Variants in APEH observed in about 807,000 individuals in gnomAD.
APEH encodes the protein acylamino-acid-releasing enzyme.
A neutral mutation model predicts 102.7 loss-of-function variants in APEH; 75 were observed. That is an observed-to-expected ratio of 0.73 (90% CI 0.61 to 0.89). The LOEUF (loss-of-function observed/expected upper bound fraction) is 0.89. APEH is among the 40% of genes least tolerant of loss of function. APEH has a pLI of 0.00. For missense variants in APEH, 863 were observed against 941.2 expected (o/e 0.92, Z 1.09); for synonymous variants, 344 against 362.7 (o/e 0.95, Z 0.59).
intron 11 of APEH, 130 bp from the exon 12 acceptor site, chr3:49,678,722 A>C: frequency 1.3e-6 from 1 of 770,774 alleles, no homozygotes; most frequent in Non-Finnish European, 2.2e-6. Flanking sequence ...CATGTGTGCT[A>C]CAAGCTGCAG....
At chr3:49,675,501 C>A in intron 3 of APEH, 192 bp downstream of exon 3, 1 of 990,144 alleles carries the variant, frequency 1.0e-6, no homozygotes, top group Non-Finnish European at 1.5e-6. Context: ...TGGACTAGAG[C>A]CCATGGTGGC....
chr3:49,682,205 A>T (rs887174074), intron 17 of APEH, 143 bp from the exon 18 acceptor site: 15 of 962,840 alleles, frequency 1.6e-5, no homozygotes, highest in Non-Finnish European at 2.3e-5. Flanking sequence ...GGCAGCCTCA[A>T]ATCTCTGAGT....
At position 49,678,939 on chromosome 3, in the gene APEH, G is replaced by A. The variant is rs761169073; in HGVS notation, c.1148G>A (p.Arg383His). The A allele has an allele frequency of 9.3e-6, 15 of 1,613,216 alleles. No individual in the cohort carries two copies. Among genetic ancestry groups the A allele is most frequent in the African/African-American group, 2.7e-5 (2 of 74,906 alleles). The change falls in exon 12 of 22, where the codon CGC becomes CAC. Residue 383 changes from arginine (R) to histidine (H), a missense_variant. Coordinates refer to ENST00000296456, the MANE Select transcript of APEH (RefSeq NM_001640.4). The part of the protein sequence containing the change: ...SQRVVFDSAQ[R>H]SRQDLFAVDT... ...AGAGTGGTCTTTGACTCGGCTCAGCGCAGCCGGCAGGTGAGGGACGCTGAT... is the reference window on the plus strand; with the variant it reads ...AGAGTGGTCTTTGACTCGGCTCAGCACAGCCGGCAGGTGAGGGACGCTGAT...
rs543901559 is a variant in APEH, at chr3:49,674,371, C to G, written c.-31C>G. The G allele has an allele frequency of 3.9e-6, 6 of 1,556,644 alleles. No homozygotes were observed. ...GCCTCACTTCCGGGCGCGAGCACGC[C>G]CCGCCTCGCCCCGGCGGCAGAGAGG... On this transcript the variant is annotated 5_prime_UTR_variant, in exon 1 of 22. Transcript: ENST00000296456.
Position 49,683,220 on chromosome 3 carries a change from C to T in APEH, c.2094-17C>T. On this transcript the variant is annotated splice_polypyrimidine_tract_variant and intron_variant, in intron 21 of 21. Transcript: ENST00000296456. Reference sequence around the variant, plus strand: ...GAGGACCCTCCAACCTTAAATGTTGCTGACTAATCCCTACAGGCTCCTGCT... The same window carrying T: ...GAGGACCCTCCAACCTTAAATGTTGTTGACTAATCCCTACAGGCTCCTGCT... The T allele has an allele frequency of 7.4e-6, 12 of 1,611,524 alleles. No homozygotes were observed. The highest frequency in any genetic ancestry group is 1.0e-5 in the Non-Finnish European group (12 of 1,177,644).
At position 49,678,837 on chromosome 3, in the gene APEH, CTCCT is replaced by C. The variant is rs1184651980; in HGVS notation, c.1061-14_1061-11del. On this transcript the variant is annotated splice_polypyrimidine_tract_variant and intron_variant, in intron 11 of 21. Coordinates refer to ENST00000296456, the MANE Select transcript of APEH (RefSeq NM_001640.4). ...TCCACTCCTGGATGCAGCCTCAGCC[CTCCT>C]ATCTTTACAGAGAACTTCTCTGGGA... The C allele has an allele frequency of 6.2e-7, 1 of 1,603,566 alleles. No individual in the cohort carries two copies. Among genetic ancestry groups the C allele is most frequent in the Non-Finnish European group, 8.5e-7 (1 of 1,170,740 alleles).
In APEH at chr3:49,678,917, G is replaced by C. The variant is rs572505246; in HGVS notation, c.1126G>C (p.Val376Leu). Residue 376 changes from valine to leucine, a missense_variant, in exon 12 of 22, where the codon GTG becomes CTG. Val to Leu is a conservative substitution (Grantham distance 32). Coordinates refer to ENST00000296456, the MANE Select transcript of APEH (RefSeq NM_001640.4). The part of the protein sequence containing the change: ...LGCWSADSQR[V>L]VFDSAQRSRQ... ...ATGCTGGTCAGCTGACAGCCAGAGA[G>C]TGGTCTTTGACTCGGCTCAGCGCAG... is the stretch of plus-strand genomic sequence containing the variant. 1 of 1,613,906 alleles carries C rather than the reference G, an allele frequency of 6.2e-7. No individual in the cohort carries two copies. The highest frequency in any genetic ancestry group is 8.5e-7 in the Non-Finnish European group (1 of 1,179,958).
intron 10 of APEH, among the ~76,000 whole-genome samples, chr3:49,677,248 A>C (rs890469755): frequency 1.3e-5 from 2 of 152,148 alleles, no homozygotes; most frequent in Admixed American, 6.5e-5. Context: ...CCTTGAGAGA[A>C]TGCTCGTCTG....
intron 11 of APEH, 73 bp downstream of exon 11, chr3:49,677,706 C>A: frequency 2.1e-6 from 3 of 1,408,730 alleles, no homozygotes; most frequent in Non-Finnish European, 3.0e-6. Flanking sequence ...TGCATCCCTG[C>A]CCCGTTCTTC....
At chr3:49,680,769 T>A in intron 14 of APEH, 140 bp downstream of exon 14, 1 of 791,878 alleles carries the variant, frequency 1.3e-6, no homozygotes, top group Non-Finnish European at 2.0e-6. Context: ...CTTGGCATGG[T>A]CCATGAGGGT....
chr3:49,675,474 T>C (rs1403812744), intron 3 of APEH, 165 bp downstream of exon 3: 15 of 1,139,092 alleles, frequency 1.3e-5, no homozygotes, highest in African/African-American at 1.6e-5. Flanking sequence ...CACTGGAAGC[T>C]TGCTCCAAAC....
chr3:49,677,000 T>A lies in APEH; in HGVS notation c.975T>A (p.His325Gln). 6.2e-7 allele frequency: 1 copy of A among 1,614,066 alleles called. No individual in the cohort carries two copies. The highest frequency in any genetic ancestry group is 8.5e-7 in the Non-Finnish European group (1 of 1,180,016). ...TGCAGTACCCATCTCTGATCCCCCA[T>A]CACCAATGCAGCCAGCTGTGCCTGG... The part of the protein sequence containing the change: ...VYLQYPSLIP[H>Q]HQCSQLCLYD... Residue 325 changes from histidine to glutamine, a missense_variant, in exon 10 of 22, where the codon CAT becomes CAA. Transcript: ENST00000296456.
At chr3:49,681,329 T>G (rs1484527476) in intron 15 of APEH, 90 bp downstream of exon 15, 2 of 1,379,940 alleles carry the variant, frequency 1.4e-6, no homozygotes, top group Admixed American at 3.0e-5. Context: ...TCTCTCACAT[T>G]GTGGGGTTTC....
At chr3:49,674,303 G>A (rs2052907602), upstream of APEH, 10 of 1,438,498 alleles carry the variant, frequency 7.0e-6, no homozygotes, top group Admixed American at 1.8e-4. Context: ...CCGCAGGGCA[G>A]GGGCGGAGAC....
At position 49,679,065 on chromosome 3, in the gene APEH, C is replaced by G. The variant is rs775986278; in HGVS notation, c.1158+116C>G. 2.5e-6 allele frequency: 2 copies of G among 806,582 alleles called. No individual in the cohort carries two copies. The highest frequency in any genetic ancestry group is 3.9e-6 in the Non-Finnish European group (2 of 509,208). 50.0% of individuals were successfully genotyped at this position (806,582 alleles called of 1,614,324 possible). A position where few individuals can be genotyped will look rare whatever the true frequency, so the allele number is the denominator to read the frequency against. On this transcript the variant is annotated intron_variant, in intron 12 of 21. Transcript: ENST00000296456. This position sits in a 1 kb window ranked among gnomAD's most constrained non-coding sequence, Gnocchi z 4.3. The stretch of plus-strand genomic sequence containing the variant: ...CCCAGCCACAAAGTCTCATCAGCCC[C>G]TTAAAACCCTGCCTGCCCATCCTGG...
At chr3:49,682,081 T>G in intron 17 of APEH, 114 bp downstream of exon 17, 17 of 1,216,172 alleles carry the variant, frequency 1.4e-5, no homozygotes, top group Non-Finnish European at 2.4e-6. Flanking sequence ...TTCTCTAGCC[T>G]AGACCTAGTA....
upstream of APEH, among the ~76,000 whole-genome samples, chr3:49,673,757 G>A (rs1466066967): frequency 6.6e-6 from 1 of 151,982 alleles, no homozygotes; most frequent in Non-Finnish European, 1.5e-5. Context: ...CCAGAGCCGC[G>A]GGAGATCCAC....
At chr3:49,676,012 G>A in intron 5 of APEH, 44 bp from the exon 6 acceptor site, 1 of 1,614,194 alleles carries the variant, frequency 6.2e-7, no homozygotes, top group Non-Finnish European at 8.5e-7. Flanking sequence ...AGGAGGGGTA[G>A]CCGTAGCCCT....
chr3:49,675,336 G>T (rs1422207841), intron 3 of APEH, 27 bp downstream of exon 3: 1 of 1,612,132 alleles, frequency 6.2e-7, no homozygotes, highest in Non-Finnish European at 8.5e-7. Flanking sequence ...AAGCTTGTGG[G>T]CAAGGCCACA....
Sources: allele counts gnomAD v4.1 joint callset (sites outside exome capture counted in the v4.1 genomes callset), GRCh38; gene constraint gnomAD v4.1.1; non-coding constraint Gnocchi (gnomAD v3.1); transcripts MANE v1.5; gene names NCBI Gene and HGNC (gene_info 2026-07-23, HGNC 2026-07-21).